The following MICU3 variants were observed in gnomAD, a reference collection of about 807,000 sequenced individuals.
MICU3 encodes calcium uptake protein 3, mitochondrial.
MICU3 carries 62 observed loss-of-function variants against 66.5 expected under a neutral mutation model. That is an observed-to-expected ratio of 0.93 (90% CI 0.76 to 1.15). The LOEUF (loss-of-function observed/expected upper bound fraction) is 1.15. Ranked by LOEUF, MICU3 falls within the 50% of genes most tolerant of loss-of-function variation. The probability of loss-of-function intolerance (pLI) is 0.00; values close to 1 mark genes in which losing one functional copy is unlikely to be tolerated. For missense variants in MICU3, 779 were observed against 664.4 expected, an observed-to-expected ratio of 1.17 and a Z score of -1.90; for synonymous variants, 308 against 240.7, an observed-to-expected ratio of 1.28 and a Z score of -2.59.
intron 3 of MICU3, among the ~76,000 whole-genome samples, chr8:17,071,641 A>G (rs1819604087): frequency 6.6e-6 from 1 of 152,208 alleles, no homozygotes; most frequent in Non-Finnish European, 1.5e-5. Context: ...ATAGAGGCAC[A>G]GAATAGAATG....
At chr8:17,116,407 A>G (rs1563400396) in intron 12 of MICU3, 36 bp from the exon 13 acceptor site, 10 of 1,299,496 alleles carry the variant, frequency 7.7e-6, no homozygotes, top group Non-Finnish European at 1.0e-5. Flanking sequence ...TAAAAATAAT[A>G]ACAGTCTATT....
intron 7 of MICU3, among the ~76,000 whole-genome samples, chr8:17,089,138 G>A (rs750963447): frequency 6.6e-6 from 1 of 151,826 alleles, no homozygotes; most frequent in African/African-American, 2.4e-5. Flanking sequence ...CAGGTACCTC[G>A]GAAGTATTCG....
chr8:17,086,964 C>T lies in MICU3; in HGVS notation c.778C>T (p.Leu260Phe). 3.1e-6 allele frequency: 5 copies of T among 1,588,930 alleles called. No individual in the cohort carries two copies. In the South Asian group the frequency reaches 4.4e-5, roughly 14 times the overall value. The stretch of plus-strand genomic sequence containing the variant: ...GATTCTTGATTGATTTCTTTGTCAG[C>T]TTCAAGAGATATTCAGGAAAAAAAA... ...EMVDKKEFLV[L>F]QEIFRKKNEK... The change falls in exon 7 of 15, where the codon CTT becomes TTT. Residue 260 changes from leucine to phenylalanine, a missense_variant and splice_region_variant. Leu to Phe is a conservative substitution (Grantham distance 22, BLOSUM62 0). Transcript: ENST00000318063.
intron 1 of MICU3, among the ~76,000 whole-genome samples, chr8:17,047,075 A>G (rs529412258): frequency 5.3e-5 from 8 of 152,360 alleles, no homozygotes; most frequent in African/African-American, 1.9e-4. Context: ...AAACTGAATG[A>G]TTGGATTCCT....
At chr8:17,092,512 T>C (rs996531494) in intron 8 of MICU3, among the ~76,000 whole-genome samples, 7 of 152,054 alleles carry the variant, frequency 4.6e-5, no homozygotes, top group African/African-American at 1.4e-4. Context: ...TTTCATTTTA[T>C]AGAAATCAGC....
At chr8:17,128,091 C>T in the MICU3 span, among the ~76,000 whole-genome samples, 1 of 152,016 alleles carries the variant, frequency 6.6e-6, no homozygotes, top group Non-Finnish European at 1.5e-5. Flanking sequence ...GGAGAGATTG[C>T]CCTGAAGCCA....
At chr8:17,105,388 CTTCT>C in intron 10 of MICU3, 21 bp from the exon 11 acceptor site, 1 of 1,388,656 alleles carries the variant, frequency 7.2e-7, no homozygotes, top group Non-Finnish European at 9.8e-7. Context: ...TATCTTTTTC[CTTCT>C]TTATTACATT....
At chr8:17,056,668 C>A (rs1183099242) in intron 1 of MICU3, among the ~76,000 whole-genome samples, 2 of 152,150 alleles carry the variant, frequency 1.3e-5, no homozygotes, top group Non-Finnish European at 2.9e-5. Flanking sequence ...ACTGTGTTGG[C>A]TCACAGGGAA....
chr8:17,072,321 T>C (rs1349401621), intron 3 of MICU3, among the ~76,000 whole-genome samples: 1 of 152,136 alleles, frequency 6.6e-6, no homozygotes, highest in Non-Finnish European at 1.5e-5. Flanking sequence ...GTTTGAATAA[T>C]AACTTTTCCA....
chr8:17,108,470 C>A (rs1007403902), intron 11 of MICU3, among the ~76,000 whole-genome samples: 2 of 152,148 alleles, frequency 1.3e-5, no homozygotes, highest in African/African-American at 4.8e-5. Flanking sequence ...TTCCATAACA[C>A]TTGTTCTGCA....
At chr8:17,102,743 G>C (rs1248245444) in intron 9 of MICU3, 1 of 151,860 alleles carries the variant, frequency 6.6e-6, no homozygotes, top group Non-Finnish European at 1.5e-5. Context: ...TGTGACACTT[G>C]GCTACCTGGC....
At chr8:17,123,664 G>C (rs1403568025), downstream of MICU3, among the ~76,000 whole-genome samples, 3 of 151,892 alleles carry the variant, frequency 2.0e-5, no homozygotes, top group African/African-American at 7.3e-5. Context: ...TTACTTGTGG[G>C]ACTATCATAT....
chr8:17,115,958 A>C (rs963929004), intron 12 of MICU3, among the ~76,000 whole-genome samples: 1 of 152,132 alleles, frequency 6.6e-6, no homozygotes, highest in African/African-American at 2.4e-5. Context: ...TTTTGTGTTC[A>C]GCTCAAAGAC....
chr8:17,079,824 C>A (rs1304144207), intron 4 of MICU3, among the ~76,000 whole-genome samples: 1 of 151,918 alleles, frequency 6.6e-6, no homozygotes, highest in African/African-American at 2.4e-5. Flanking sequence ...GTAAGTTTAT[C>A]TACTTAAAAT....
At chr8:17,080,342 C>T (rs548232066) in intron 4 of MICU3, among the ~76,000 whole-genome samples, 1 of 152,066 alleles carries the variant, frequency 6.6e-6, no homozygotes, top group Non-Finnish European at 1.5e-5. Context: ...TCTGGACACT[C>T]ACTATTAAGT....
At chr8:17,094,928 A>G (rs902838791) in intron 8 of MICU3, among the ~76,000 whole-genome samples, 1 of 152,008 alleles carries the variant, frequency 6.6e-6, no homozygotes, top group Non-Finnish European at 1.5e-5. Context: ...TTATCTTTTC[A>G]TGCTGCATTG....
chr8:17,096,567 G>T (rs577512795), intron 8 of MICU3, among the ~76,000 whole-genome samples: 8 of 151,836 alleles, frequency 5.3e-5, no homozygotes, highest in Non-Finnish European at 1.2e-4. Context: ...TAAGGATGTT[G>T]TTTCTGCCCT....
At chr8:17,093,324 T>G (rs1800285558) in intron 8 of MICU3, among the ~76,000 whole-genome samples, 2 of 152,020 alleles carry the variant, frequency 1.3e-5, no homozygotes, top group African/African-American at 4.8e-5. Flanking sequence ...TTCTCCTAGT[T>G]TCATTGCTGA....
intron 14 of MICU3, among the ~76,000 whole-genome samples, 188 bp from the exon 15 acceptor site, chr8:17,120,100 A>C (rs1333540591): frequency 6.6e-6 from 1 of 152,168 alleles, no homozygotes; most frequent in Admixed American, 6.5e-5. Flanking sequence ...CTCTAAGCCT[A>C]AGATTGAGGA....
Sources: gnomAD v4.1 joint callset for allele counts (sites outside exome capture counted in the v4.1 genomes callset) on GRCh38, gnomAD v4.1.1 for gene constraint, MANE v1.5 for transcripts, NCBI Gene and HGNC (gene_info 2026-07-23, HGNC 2026-07-21) for gene names.